Variants in KHDRBS1 observed in about 807,000 individuals in gnomAD.
The protein encoded by KHDRBS1 is KH RNA binding domain containing, signal transduction associated 1, also known as KH domain-containing, RNA-binding, signal transduction-associated protein 1.
Under a neutral mutation model 48.4 loss-of-function variants are expected in KHDRBS1, and 7 were observed. The observed-to-expected ratio is 0.14, with a 90% CI of 0.08 to 0.27. The LOEUF (loss-of-function observed/expected upper bound fraction) is 0.27, where lower values mean the gene tolerates loss of function less well. Among genes scored for constraint, KHDRBS1 ranks in the 10% least tolerant of loss-of-function variants. The pLI is 1.00. For missense variants in KHDRBS1, 458 were observed against 601.2 expected (o/e 0.76, Z 2.49); for synonymous variants, 241 against 235.8 (o/e 1.02, Z -0.20).
At chr1:32,031,879 AT>A (rs1639086533) in intron 3 of KHDRBS1, among the ~76,000 whole-genome samples, 1 of 152,192 alleles carries the variant, frequency 6.6e-6, no homozygotes, top group African/African-American at 2.4e-5. Flanking sequence ...CTGTGTAGTA[AT>A]GGAAACAGCA....
At chr1:32,036,847 C>T in intron 4 of KHDRBS1, 63 bp from the exon 5 acceptor site, 1 of 1,521,464 alleles carries the variant, frequency 6.6e-7, no homozygotes, top group Non-Finnish European at 8.9e-7. Flanking sequence ...TCCCGTGGAC[C>T]AGATGATTTC....
chr1:32,016,372 C>T (rs555353691), intron 1 of KHDRBS1, among the ~76,000 whole-genome samples: 1 of 152,206 alleles, frequency 6.6e-6, no homozygotes, highest in African/African-American at 2.4e-5. Flanking sequence ...CCTAAGGTAA[C>T]AAAATTAGTA....
At chr1:32,037,769 C>T (rs1639209648) in intron 5 of KHDRBS1, 66 bp from the exon 6 acceptor site, 4 of 1,551,370 alleles carry the variant, frequency 2.6e-6, no homozygotes, top group African/African-American at 1.4e-5. Flanking sequence ...AATTTGTAAA[C>T]AAATCAGAAC....
At chr1:32,048,193 T>G (rs1639377613), downstream of KHDRBS1, among the ~76,000 whole-genome samples, 2 of 152,186 alleles carry the variant, frequency 1.3e-5, no homozygotes, top group South Asian at 4.1e-4. Flanking sequence ...TCATTTTCAT[T>G]ACTGTGTCTT....
chr1:32,037,951 G>A lies in KHDRBS1; in HGVS notation c.1022G>A (p.Gly341Asp), dbSNP rs1425351460. ...RGVPPPPTVR[G>D]APAPRARTAG... is the part of the protein sequence containing the mutation. ...GTGCCACCCCCACCTACTGTGAGGGGTGCTCCAGCACCAAGAGCACGGACA... is the reference window on the plus strand; with the variant it reads ...GTGCCACCCCCACCTACTGTGAGGGATGCTCCAGCACCAAGAGCACGGACA... Residue 341 changes from glycine (G) to aspartate (D), a missense_variant, in exon 6 of 9, where the codon GGT becomes GAT. Around this residue, in one of 3 missense-constraint regions of KHDRBS1, gnomAD observed 171 missense variants for 228.7 expected, o/e 0.75. Coordinates refer to ENST00000327300, the MANE Select transcript of KHDRBS1 (RefSeq NM_006559.3). 2 of 1,614,134 alleles carry A rather than the reference G, an allele frequency of 1.2e-6. No homozygotes were observed. The highest frequency in any genetic ancestry group is 1.7e-6 in the Non-Finnish European group (2 of 1,180,062).
At chr1:32,016,827 C>T (rs993173435) in intron 1 of KHDRBS1, among the ~76,000 whole-genome samples, 1 of 152,216 alleles carries the variant, frequency 6.6e-6, no homozygotes, top group Non-Finnish European at 1.5e-5. Flanking sequence ...TCAGCTCCAC[C>T]AGAGCGCAGG....
intron 1 of KHDRBS1, among the ~76,000 whole-genome samples, chr1:32,028,785 G>A (rs1343225149): frequency 6.6e-6 from 1 of 150,952 alleles, no homozygotes; most frequent in Non-Finnish European, 1.5e-5. Context: ...GATTACAAGC[G>A]TGAGCCACCG....
chr1:32,057,831 CAG>C (rs894180986), intron 10 of KHDRBS1, among the ~76,000 whole-genome samples: 1 of 145,628 alleles, frequency 6.9e-6, no homozygotes, highest in African/African-American at 2.6e-5. Flanking sequence ...GATGGGGTCT[CAG>C]GGGCCGGGTG....
At chr1:32,035,877 GTTGT>G (rs1639167421) in intron 4 of KHDRBS1, among the ~76,000 whole-genome samples, 1 of 152,214 alleles carries the variant, frequency 6.6e-6, no homozygotes, top group African/African-American at 2.4e-5. Context: ...GAAAAGAGGA[GTTGT>G]AGGGGTGGCA....
At chr1:32,017,831 T>A (rs1026290118) in intron 1 of KHDRBS1, among the ~76,000 whole-genome samples, 1 of 151,928 alleles carries the variant, frequency 6.6e-6, no homozygotes, top group Non-Finnish European at 1.5e-5. Context: ...GGTCTCAAAC[T>A]CCCGACCTCA....
chr1:32,054,468 T>TA (rs1639457493), intron 10 of KHDRBS1: 2 of 152,128 alleles, frequency 1.3e-5, no homozygotes, highest in East Asian at 3.9e-4. Flanking sequence ...TGTCTGGACT[T>TA]ACCTATGTTA....
Position 32,014,041 on chromosome 1 carries a change from G to C in KHDRBS1, c.46G>C (p.Gly16Arg), listed in dbSNP as rs764259849. 6.6e-7 allele frequency: 1 copy of C among 1,521,262 alleles called. No homozygotes were observed. The highest frequency in any genetic ancestry group is 8.7e-7 in the Non-Finnish European group (1 of 1,145,668). 94.2% of individuals were successfully genotyped at this position (1,521,262 alleles called of 1,614,324 possible). Reference sequence around the variant, plus strand: ...CGCCGCGCGCATGAGCCGGTCTTCGGGCCGTAGCGGCTCCATGGACCCCTC... The same window carrying C: ...CGCCGCGCGCATGAGCCGGTCTTCGCGCCGTAGCGGCTCCATGGACCCCTC... Reference protein sequence around the residue: ...DPAARMSRSSGRSGSMDPSGA... With the variant: ...DPAARMSRSSRRSGSMDPSGA... The change falls in exon 1 of 9, where the codon GGC (glycine) becomes CGC (arginine). Residue 16 changes from glycine (G) to arginine (R), a missense_variant. This residue lies in a region of KHDRBS1 where 213 missense variants were observed against 215.6 expected (regional missense o/e 0.99). Coordinates refer to ENST00000327300, the MANE Select transcript of KHDRBS1 (RefSeq NM_006559.3).
intron 3 of KHDRBS1, 96 bp downstream of exon 3, chr1:32,031,736 ATGTG>A: frequency 1.4e-6 from 1 of 699,224 alleles, no homozygotes; most frequent in Non-Finnish European, 2.4e-6. Context: ...AGAATTTTGT[ATGTG>A]TACAGAATGT....
chr1:32,036,393 TCTC>T (rs1221005725), intron 4 of KHDRBS1, among the ~76,000 whole-genome samples: 2 of 151,960 alleles, frequency 1.3e-5, no homozygotes, highest in African/African-American at 4.8e-5. Context: ...GTGGTCTCGA[TCTC>T]CTGACCTCGT....
In KHDRBS1 at chr1:32,031,580, G is replaced by A; in HGVS notation, c.564G>A (p.Gln188=). The change falls in exon 3 of 9, where the codon CAG becomes CAA. Residue 188 remains glutamine, a synonymous_variant. Coordinates refer to ENST00000327300, the MANE Select transcript of KHDRBS1 (RefSeq NM_006559.3). ...AAGGGAATACAATCAAAAGACTGCA[G>A]GAAGAGACTGGTGCAAAGATCTCTG... ...GPQGNTIKRL[Q]EETGAKISVL... 6.2e-7 allele frequency: 1 copy of A among 1,612,088 alleles called. No homozygotes were observed. The highest frequency in any genetic ancestry group is 8.5e-7 in the Non-Finnish European group (1 of 1,179,480).
In KHDRBS1 at chr1:32,031,719, G is replaced by A. The variant is rs1318356093; in HGVS notation, c.624+79G>A. 6 of 859,166 alleles carry A rather than the reference G, an allele frequency of 7.0e-6. No individual in the cohort carries two copies. In the East Asian group the frequency reaches 1.6e-4, roughly 22 times the overall value. The allele number at this position is 859,166 out of a possible 1,614,324, so 53.2% of individuals were successfully genotyped here. ...GAATGCAGTATGGATGTCTTATAGA[G>A]GCGGCAAGAATTTTGTATGTGTACA... On this transcript the variant is annotated intron_variant, in intron 3 of 8. Transcript: ENST00000327300.
intron 5 of KHDRBS1, 136 bp downstream of exon 5, chr1:32,037,179 C>T: frequency 1.1e-6 from 1 of 940,950 alleles, no homozygotes; most frequent in Non-Finnish European, 1.6e-6. Flanking sequence ...ATTCTACAAC[C>T]ATACTCTCAC....
intron 4 of KHDRBS1, among the ~76,000 whole-genome samples, chr1:32,034,703 C>T (rs1639143416): frequency 6.6e-6 from 1 of 152,032 alleles, no homozygotes; most frequent in Non-Finnish European, 1.5e-5. Context: ...TGAGGCAGGG[C>T]GCGGTGGCTC....
intron 1 of KHDRBS1, among the ~76,000 whole-genome samples, chr1:32,028,728 A>G (rs1254288861): frequency 6.6e-6 from 1 of 150,462 alleles, no homozygotes; most frequent in Non-Finnish European, 1.5e-5. Flanking sequence ...GATGGTCTCG[A>G]TTTCCAGACC....
Sources: gnomAD v4.1 joint callset for allele counts (sites outside exome capture counted in the v4.1 genomes callset) on GRCh38, gnomAD v4.1.1 for gene constraint, gnomAD v4.1.1 regional missense constraint, MANE v1.5 for transcripts, NCBI Gene and HGNC (gene_info 2026-07-23, HGNC 2026-07-21) for gene names.